GLI3: variants seen among roughly 807,000 people sequenced by gnomAD.
GLI3 encodes transcription activator GLI3.
GLI3 carries 20 observed loss-of-function variants against 100.8 expected under a neutral mutation model. The ratio of observed to expected loss-of-function variants is 0.20; its 90% confidence interval spans 0.14 to 0.29. GLI3 has a LOEUF of 0.29. Ranked by LOEUF, GLI3 falls within the 10% of genes least tolerant of loss-of-function variation. The probability of loss-of-function intolerance (pLI) is 1.00; values close to 1 mark genes in which losing one functional copy is unlikely to be tolerated. For missense variants in GLI3, 2,040 were observed against 2,128.5 expected (o/e 0.96, Z 0.82); for synonymous variants, 938 against 860.5 (o/e 1.09, Z -1.58).
At chr7:42,037,216 A>G (rs1784030107) in intron 7 of GLI3, among the ~76,000 whole-genome samples, 1 of 152,192 alleles carries the variant, frequency 6.6e-6, no homozygotes, top group African/African-American at 2.4e-5. Context: ...AGTGAGCATG[A>G]GCCGTGCACC....
chr7:41,985,951 C>T (rs1256535188), intron 10 of GLI3, among the ~76,000 whole-genome samples: 1 of 152,084 alleles, frequency 6.6e-6, no homozygotes, highest in Non-Finnish European at 1.5e-5. Context: ...ATTTAAAAAC[C>T]TGAAACAGCC....
At chr7:41,992,433 A>G (rs765713873) in intron 10 of GLI3, among the ~76,000 whole-genome samples, 3 of 152,330 alleles carry the variant, frequency 2.0e-5, no homozygotes, top group South Asian at 4.1e-4. Context: ...GATCCCACAG[A>G]GAAGACAATC....
At chr7:42,258,641 G>A (rs1384322821) in intron 1 of GLI3, among the ~76,000 whole-genome samples, 2 of 152,212 alleles carry the variant, frequency 1.3e-5, no homozygotes, top group Admixed American at 1.3e-4. Flanking sequence ...TGGAGGCTGA[G>A]AAGTCCAAGA....
intron 10 of GLI3, among the ~76,000 whole-genome samples, chr7:42,015,803 A>G (rs1190026347): frequency 1.3e-5 from 2 of 152,046 alleles, no homozygotes; most frequent in Non-Finnish European, 2.9e-5. Context: ...GAGACATTTT[A>G]ATGAGATCAT....
chr7:42,063,978 T>C (rs925482014), intron 4 of GLI3, among the ~76,000 whole-genome samples: 6 of 152,204 alleles, frequency 3.9e-5, no homozygotes, highest in African/African-American at 1.4e-4. Context: ...TAGAAAAGGA[T>C]GGTATGGTTA....
chr7:42,223,982 A>G (rs1391635482), intron 1 of GLI3, among the ~76,000 whole-genome samples: 1 of 152,254 alleles, frequency 6.6e-6, no homozygotes, highest in Non-Finnish European at 1.5e-5. Flanking sequence ...TTGATTCCAC[A>G]TGGAAAAGTT....
At chr7:42,159,907 T>A (rs957650950) in intron 2 of GLI3, among the ~76,000 whole-genome samples, 4 of 152,240 alleles carry the variant, frequency 2.6e-5, no homozygotes, top group Admixed American at 2.6e-4. Flanking sequence ...TCTTTTTCAA[T>A]TTATTTTTTA....
intron 3 of GLI3, among the ~76,000 whole-genome samples, chr7:42,084,096 A>T (rs758425262): frequency 6.6e-6 from 1 of 152,210 alleles, no homozygotes; most frequent in African/African-American, 2.4e-5. Flanking sequence ...CACTACTCAA[A>T]TAACAAGCTT....
chr7:42,015,305 C>T (rs900987787), intron 10 of GLI3, among the ~76,000 whole-genome samples: 4 of 151,922 alleles, frequency 2.6e-5, no homozygotes, highest in African/African-American at 7.3e-5. Flanking sequence ...TGGGTGGGGT[C>T]GGGTGGAGTT....
At chr7:42,210,734 C>G (rs1788256741) in intron 2 of GLI3, among the ~76,000 whole-genome samples, 1 of 152,100 alleles carries the variant, frequency 6.6e-6, no homozygotes, top group Non-Finnish European at 1.5e-5. Flanking sequence ...TCTTATCTCT[C>G]TCTCTCCTTA....
intron 4 of GLI3, among the ~76,000 whole-genome samples, chr7:42,062,596 C>T (rs80047264): frequency 1.0e-5 from 1 of 97,190 alleles, no homozygotes; most frequent in Non-Finnish European, 2.2e-5. Flanking sequence ...GAGTTCACAG[C>T]TATTTTTATA....
chr7:42,193,792 C>T (rs779285661), intron 2 of GLI3, among the ~76,000 whole-genome samples: 12 of 152,078 alleles, frequency 7.9e-5, no homozygotes, highest in African/African-American at 2.2e-4. Flanking sequence ...CTCTTGATTA[C>T]GAAATATTCC....
intron 12 of GLI3, among the ~76,000 whole-genome samples, chr7:41,975,691 A>C (rs964343186): frequency 6.6e-6 from 1 of 152,194 alleles, no homozygotes; most frequent in Admixed American, 6.5e-5. Context: ...ACCACAATTA[A>C]AGCAAACAGA....
intron 4 of GLI3, among the ~76,000 whole-genome samples, chr7:42,055,771 T>C (rs1272229739): frequency 6.6e-6 from 1 of 152,266 alleles, no homozygotes; most frequent in Non-Finnish European, 1.5e-5. Context: ...AATTGGCATA[T>C]GCTTTTTACA....
In GLI3 at chr7:42,020,836, G is replaced by C. The variant is rs957033646; in HGVS notation, c.1497+2632C>G. 2.7e-5 allele frequency among the ~76,000 whole-genome samples: 4 copies of C among 150,270 alleles called. No homozygotes were observed. In the East Asian group the frequency reaches 7.8e-4, roughly 29 times the overall value. On this transcript the variant is annotated intron_variant, in intron 10 of 14. Coordinates refer to ENST00000395925, the MANE Select transcript of GLI3 (RefSeq NM_000168.6). The stretch of plus-strand genomic sequence containing the variant: ...ACCTGGGAGGCGGAGCTTGCAGTGA[G>C]CCGAGATCGCGCCACTGCACTCCAG...
At chr7:42,247,361 G>A (rs1180626423) in intron 1 of GLI3, among the ~76,000 whole-genome samples, 1 of 152,092 alleles carries the variant, frequency 6.6e-6, no homozygotes, top group Non-Finnish European at 1.5e-5. Flanking sequence ...AAACACCACT[G>A]ATGTGGTGAT....
chr7:42,238,000 G>GCCGCCT (rs1398646693), upstream of GLI3: 6 of 146,170 alleles, frequency 4.1e-5, no homozygotes, highest in Non-Finnish European at 5.2e-5. Context: ...CGCCGCCGCC[G>GCCGCCT]CCGCCTCCTC....
chr7:42,194,787 T>A (rs1164718522), intron 2 of GLI3, among the ~76,000 whole-genome samples: 1 of 101,428 alleles, frequency 9.9e-6, no homozygotes, highest in Non-Finnish European at 2.0e-5. Flanking sequence ...GGAGTCGGAG[T>A]TTCACTCTGT....
In GLI3 at chr7:42,221,011, C is replaced by T. The variant is rs561775676; in HGVS notation, c.124+2119G>A. Among the ~76,000 whole-genome samples the T allele has an allele frequency of 2.6e-5, 4 of 152,286 alleles. No individual in the cohort carries two copies. The East Asian group carries it at 7.7e-4, about 29-fold the overall frequency. On this transcript the variant is annotated intron_variant, in intron 2 of 14. Transcript: ENST00000395925. ...ACACATTTAGGAGAAAATGTGGGCT[C>T]AAGGGCACAAGCTGATCAGGGCAGA... is the stretch of plus-strand genomic sequence containing the variant.
Sources: allele counts gnomAD v4.1 joint callset (sites outside exome capture counted in the v4.1 genomes callset), GRCh38; gene constraint gnomAD v4.1.1; transcripts MANE v1.5; gene names NCBI Gene and HGNC (gene_info 2026-07-23, HGNC 2026-07-21).